The following DPF3 variants were observed in gnomAD, a reference collection of about 807,000 sequenced individuals.
The protein encoded by DPF3 is zinc finger protein DPF3.
Under a neutral mutation model 56.8 loss-of-function variants are expected in DPF3, and 18 were observed. That is an observed-to-expected ratio of 0.32 (90% CI 0.22 to 0.47). The LOEUF is 0.47. DPF3 is among the 20% of genes least tolerant of loss of function. The pLI is 1.00. For missense variants in DPF3, 403 were observed against 488.8 expected (o/e 0.82, Z 1.65); for synonymous variants, 188 against 180.2 (o/e 1.04, Z -0.35).
rs1444853059 is a variant in DPF3, at chr14:72,612,404, C to T, written c.*6893G>A. ...ATCATTCTATATTTTCATGCTCTTG[C>T]TCACATATCAGGCAGTGTTTCTGTC... On this transcript the variant is annotated 3_prime_UTR_variant, in exon 11 of 11. Transcript: ENST00000556509. 2 of 509,596 alleles carry T rather than the reference C, an allele frequency of 3.9e-6. No individual in the cohort carries two copies. Among genetic ancestry groups the T allele is most frequent in the African/African-American group, 1.9e-5 (1 of 51,426 alleles). 31.6% of individuals were successfully genotyped at this position (509,596 alleles called of 1,614,324 possible). A position where few individuals can be genotyped will look rare whatever the true frequency, so the allele number is the denominator to read the frequency against.
chr14:72,829,727 T>G (rs1883972798), intron 1 of DPF3, among the ~76,000 whole-genome samples: 1 of 151,384 alleles, frequency 6.6e-6, no homozygotes, highest in African/African-American at 2.4e-5. Context: ...AATTCCTAGA[T>G]GCTTGAATTT....
At chr14:72,797,990 C>T (rs370335383) in intron 1 of DPF3, among the ~76,000 whole-genome samples, 1 of 152,140 alleles carries the variant, frequency 6.6e-6, no homozygotes, top group South Asian at 2.1e-4. Flanking sequence ...CTCAGTGGCT[C>T]TTGCCTGTAA....
At chr14:72,722,924 G>A (rs1157903196) in intron 5 of DPF3, among the ~76,000 whole-genome samples, 1 of 151,990 alleles carries the variant, frequency 6.6e-6, no homozygotes, top group Non-Finnish European at 1.5e-5. Flanking sequence ...GAGGACCCCT[G>A]GGATGGTCTC....
At chr14:72,721,261 T>G (rs1889160089) in intron 5 of DPF3, among the ~76,000 whole-genome samples, 1 of 152,258 alleles carries the variant, frequency 6.6e-6, no homozygotes, top group African/African-American at 2.4e-5. Flanking sequence ...TTGCACTGAC[T>G]GCTGATGTTT....
At chr14:72,718,842 T>C (rs560210515) in intron 5 of DPF3, among the ~76,000 whole-genome samples, 33 of 139,002 alleles carry the variant, frequency 2.4e-4, no homozygotes, top group Non-Finnish European at 5.0e-4. Flanking sequence ...CTCGGCTCAC[T>C]GCAACCTCCG....
At chr14:72,713,242 G>T (rs1368376236) in intron 6 of DPF3, among the ~76,000 whole-genome samples, 1 of 152,266 alleles carries the variant, frequency 6.6e-6, no homozygotes, top group Non-Finnish European at 1.5e-5. Context: ...AATGGCATCT[G>T]CATGGAGTAT....
intron 8 of DPF3, chr14:72,671,422 A>G: frequency 6.5e-7 from 1 of 1,543,670 alleles, no homozygotes; most frequent in Middle Eastern, 1.7e-4. Flanking sequence ...TTACAATGCT[A>G]TTCTTAATAG....
chr14:72,847,808 C>T (rs545929916), intron 1 of DPF3, among the ~76,000 whole-genome samples: 7 of 152,216 alleles, frequency 4.6e-5, no homozygotes, highest in African/African-American at 1.7e-4. Context: ...CACCGCCCAG[C>T]CTCATTCTCC....
chr14:72,699,386 G>A (rs1239124335), intron 6 of DPF3, among the ~76,000 whole-genome samples: 1 of 151,966 alleles, frequency 6.6e-6, no homozygotes, highest in African/African-American at 2.4e-5. Flanking sequence ...GCCAGGTGTA[G>A]TGGCATGCTC....
intron 4 of DPF3, among the ~76,000 whole-genome samples, chr14:72,729,508 G>A (rs1169634482): frequency 6.6e-6 from 1 of 152,136 alleles, no homozygotes; most frequent in East Asian, 1.9e-4. Context: ...AGCGGGTTCT[G>A]AGCACAGAAA....
At position 72,884,953 on chromosome 14, in the gene DPF3, T is replaced by TACATAC. The variant is rs1555516744; in HGVS notation, c.32+9103_32+9104insGTATGT. On this transcript the variant is annotated intron_variant, in intron 1 of 10. Transcript: ENST00000556509. ...CTACTAAAAATACTATATATATATATATATATATATATATATATTAGCCGG... is the reference window on the plus strand; with the variant it reads ...CTACTAAAAATACTATATATATATATACATACATATATATATATATATATTAGCCGG... Among the ~76,000 whole-genome samples the TACATAC allele has an allele frequency of 2.7e-5, 2 of 73,780 alleles. 1 individual carries two copies. Among genetic ancestry groups the TACATAC allele is most frequent in the East Asian group, 1.4e-3 (2 of 1,400 alleles). The allele number at this position is 73,780 out of a possible 152,430, so 48.4% of individuals were successfully genotyped here.
intron 1 of DPF3, chr14:72,853,478 T>C (rs1599497276): frequency 6.7e-6 from 1 of 148,926 alleles, no homozygotes; most frequent in Non-Finnish European, 1.5e-5. Context: ...CCTTTTTTTT[T>C]TTTTTTTTTT....
chr14:72,646,878 G>T (rs1885742708), intron 8 of DPF3, among the ~76,000 whole-genome samples: 2 of 152,222 alleles, frequency 1.3e-5, no homozygotes, highest in East Asian at 1.9e-4. Flanking sequence ...AGGCCCCAAA[G>T]CTTCTAATTC....
chr14:72,699,916 A>C (rs1888085442), intron 6 of DPF3, among the ~76,000 whole-genome samples: 1 of 152,146 alleles, frequency 6.6e-6, no homozygotes, highest in Non-Finnish European at 1.5e-5. Context: ...AGAAATGAGG[A>C]AGTGCTGATG....
chr14:72,801,026 T>C (rs1335741366), intron 1 of DPF3, among the ~76,000 whole-genome samples: 1 of 152,212 alleles, frequency 6.6e-6, no homozygotes, highest in Non-Finnish European at 1.5e-5. Flanking sequence ...CCTGTAGTTG[T>C]GCTCCTCCCT....
intron 2 of DPF3, 25 bp from the exon 3 acceptor site, chr14:72,753,396 T>C (rs764041902): frequency 1.9e-6 from 3 of 1,582,306 alleles, no homozygotes; most frequent in Non-Finnish European, 2.6e-6. Context: ...AATATAAAGA[T>C]TAAAGGCTCC....
At chr14:72,775,547 T>C (rs1891711162) in intron 1 of DPF3, among the ~76,000 whole-genome samples, 1 of 152,250 alleles carries the variant, frequency 6.6e-6, no homozygotes, top group South Asian at 2.1e-4. Flanking sequence ...TTTCATAACA[T>C]GCAATGTTAT....
chr14:72,658,174 G>A (rs930676420), intron 8 of DPF3, among the ~76,000 whole-genome samples: 1 of 152,132 alleles, frequency 6.6e-6, no homozygotes, highest in African/African-American at 2.4e-5. Flanking sequence ...CATAACTCAA[G>A]GGATAAATGC....
chr14:72,834,165 G>A (rs900064305), intron 1 of DPF3, among the ~76,000 whole-genome samples: 2 of 150,636 alleles, frequency 1.3e-5, no homozygotes, highest in African/African-American at 4.9e-5. Flanking sequence ...GTGACAGAGT[G>A]AGACTCTGTC....
Sources: allele counts gnomAD v4.1 joint callset (sites outside exome capture counted in the v4.1 genomes callset), GRCh38; gene constraint gnomAD v4.1.1; transcripts MANE v1.5; gene names NCBI Gene and HGNC (gene_info 2026-07-23, HGNC 2026-07-21).